Variants in RAB10 observed in about 807,000 individuals in gnomAD.
RAB10 encodes the protein ras-related protein Rab-10.
Under a neutral mutation model 25.7 loss-of-function variants are expected in RAB10, and 5 were observed. That is an observed-to-expected ratio of 0.19 (90% CI 0.10 to 0.41). The LOEUF is 0.41. Ranked by LOEUF, RAB10 falls within the 10% of genes least tolerant of loss-of-function variation. RAB10 has a pLI of 1.00. For missense variants in RAB10, 103 were observed against 245.8 expected (o/e 0.42, Z 3.89); for synonymous variants, 89 against 86.4 (o/e 1.03, Z -0.16).
At chr2:26,087,547 C>G (rs190182975) in intron 1 of RAB10, among the ~76,000 whole-genome samples, 12 of 152,060 alleles carry the variant, frequency 7.9e-5, no homozygotes, top group Admixed American at 2.0e-4. Flanking sequence ...GGATTACAGG[C>G]GCCTGCCACC....
At chr2:26,062,994 A>G (rs1289232398) in intron 1 of RAB10, among the ~76,000 whole-genome samples, 1 of 152,040 alleles carries the variant, frequency 6.6e-6, no homozygotes. Context: ...AGGCGCCTAT[A>G]ATCCCGGCTG....
chr2:26,072,462 A>T lies in RAB10; in HGVS notation c.128-26200A>T, dbSNP rs1666647294. Among the ~76,000 whole-genome samples the T allele has an allele frequency of 2.0e-5, 3 of 151,902 alleles. No homozygotes were observed. In the South Asian group the frequency reaches 6.2e-4, roughly 31 times the overall value. On this transcript the variant is annotated intron_variant, in intron 1 of 5. Transcript: ENST00000264710. ...TAATAAAAATAATAATAGAACATGA[A>T]AACACCATTGACAGGGTTTCAGATT... is the stretch of plus-strand genomic sequence containing the variant.
chr2:26,134,973 T>C lies in RAB10; in HGVS notation c.555T>C (p.Asp185=). Reference sequence around the variant, plus strand: ...AAGAGCCCAACAGTGAAAATGTAGATATCAGCAGTGGAGGAGGCGTGACAG... The same window carrying C: ...AAGAGCCCAACAGTGAAAATGTAGACATCAGCAGTGGAGGAGGCGTGACAG... ...PVKEPNSENV[D]ISSGGGVTGW... The change falls in exon 6 of 6, where the codon GAT becomes GAC. Residue 185 remains aspartate (D), a synonymous_variant. Coordinates refer to ENST00000264710, the MANE Select transcript of RAB10 (RefSeq NM_016131.5). The C allele has an allele frequency of 6.2e-7, 1 of 1,613,936 alleles. No homozygotes were observed. Among genetic ancestry groups the C allele is most frequent in the Non-Finnish European group, 8.5e-7 (1 of 1,179,850 alleles).
chr2:26,060,179 AAG>A (rs1666364883), intron 1 of RAB10, among the ~76,000 whole-genome samples: 1 of 152,316 alleles, frequency 6.6e-6, no homozygotes, highest in East Asian at 1.9e-4. Flanking sequence ...TGGAGGGGGA[AAG>A]AGAAGGAAAT....
intron 1 of RAB10, among the ~76,000 whole-genome samples, chr2:26,041,543 C>CA (rs1230627488): frequency 0.13 from 5,809 of 43,936 alleles, 543 homozygotes; most frequent in Admixed American, 0.2. Flanking sequence ...GACGCTGACT[C>CA]AAAAAAAAAA....
intron 3 of RAB10, among the ~76,000 whole-genome samples, chr2:26,114,547 G>A (rs1427856335): frequency 1.3e-5 from 2 of 152,062 alleles, no homozygotes; most frequent in African/African-American, 4.8e-5. Context: ...TTGTGTGGAA[G>A]AATGAAAGTT....
chr2:26,052,706 T>G (rs1666164112), intron 1 of RAB10, among the ~76,000 whole-genome samples: 1 of 152,126 alleles, frequency 6.6e-6, no homozygotes, highest in South Asian at 2.1e-4. Flanking sequence ...TTTAATCTTA[T>G]TTTTTCAAAT....
chr2:26,092,571 A>G (rs1359424752), intron 1 of RAB10, among the ~76,000 whole-genome samples: 1 of 152,182 alleles, frequency 6.6e-6, no homozygotes, highest in Non-Finnish European at 1.5e-5. Context: ...GGAGTCCAAA[A>G]TGAGGCTTCT....
chr2:26,043,437 C>CA (rs1665933256), intron 1 of RAB10, among the ~76,000 whole-genome samples: 1 of 152,128 alleles, frequency 6.6e-6, no homozygotes, highest in South Asian at 2.1e-4. Flanking sequence ...CAAACAACAA[C>CA]AAAAAAGACT....
intron 2 of RAB10, among the ~76,000 whole-genome samples, chr2:26,099,764 G>A (rs1426759512): frequency 1.3e-5 from 2 of 151,790 alleles, no homozygotes; most frequent in African/African-American, 4.8e-5. Flanking sequence ...GGATGGTCTC[G>A]ATCTCCTGAC....
chr2:26,109,885 A>G lies in RAB10; in HGVS notation c.306A>G (p.Lys102=), dbSNP rs1667536211. ...GTAAAAGTTTTGAAAACATCAGCAA[A>G]TGGCTTAGAAACATAGATGAGGTAA... ...TNGKSFENIS[K]WLRNIDEHAN... is the part of the protein sequence containing the mutation. The change falls in exon 3 of 6, where the codon AAA becomes AAG. Residue 102 remains lysine (K), a synonymous_variant. Coordinates refer to ENST00000264710, the MANE Select transcript of RAB10 (RefSeq NM_016131.5). 1 of 1,608,540 alleles carries G rather than the reference A, an allele frequency of 6.2e-7. No individual in the cohort carries two copies. The highest frequency in any genetic ancestry group is 8.5e-7 in the Non-Finnish European group (1 of 1,177,960).
chr2:26,117,943 T>G (rs1180813933), intron 3 of RAB10, among the ~76,000 whole-genome samples: 1 of 152,182 alleles, frequency 6.6e-6, no homozygotes, highest in Non-Finnish European at 1.5e-5. Flanking sequence ...GAAACCCAAG[T>G]CTCAGATTAT....
At chr2:26,052,725 T>G (rs763368753) in intron 1 of RAB10, among the ~76,000 whole-genome samples, 2 of 152,192 alleles carry the variant, frequency 1.3e-5, no homozygotes, top group Non-Finnish European at 2.9e-5. Context: ...ATCTCCTATC[T>G]GTAGTCTCAT....
At chr2:26,129,143 G>A (rs1667962470) in intron 5 of RAB10, among the ~76,000 whole-genome samples, 1 of 151,958 alleles carries the variant, frequency 6.6e-6, no homozygotes. Flanking sequence ...GGTGGCACGT[G>A]CCTGTAATCC....
chr2:26,113,039 T>A (rs140380385), intron 3 of RAB10, among the ~76,000 whole-genome samples: 1 of 151,914 alleles, frequency 6.6e-6, no homozygotes, highest in African/African-American at 2.4e-5. Flanking sequence ...GAGCCAAGAT[T>A]GCACCACTGC....
At chr2:26,070,043 G>C (rs7565843) in intron 1 of RAB10, among the ~76,000 whole-genome samples, 117,341 of 152,136 alleles carry the variant, frequency 0.77, 45,299 homozygotes, top group East Asian at 0.87. Flanking sequence ...TTTGGGGGAG[G>C]TGTGTGTGTG....
At chr2:26,115,470 A>G (rs1667663835) in intron 3 of RAB10, among the ~76,000 whole-genome samples, 1 of 152,218 alleles carries the variant, frequency 6.6e-6, no homozygotes, top group Non-Finnish European at 1.5e-5. Context: ...AACCTTATGA[A>G]AGAAGCCAGA....
chr2:26,085,217 A>G (rs7573118), intron 1 of RAB10, among the ~76,000 whole-genome samples: 117,195 of 152,104 alleles, frequency 0.77, 45,200 homozygotes, highest in East Asian at 0.87. Flanking sequence ...GGCCGGGGGC[A>G]GTGACTCACG....
At chr2:26,037,070 C>CT (rs1439037761) in intron 1 of RAB10, among the ~76,000 whole-genome samples, 10 of 152,268 alleles carry the variant, frequency 6.6e-5, no homozygotes, top group Admixed American at 2.0e-4. Context: ...GCCACCACGC[C>CT]TGGCTGTGTG....
Sources: gnomAD v4.1 joint callset for allele counts (sites outside exome capture counted in the v4.1 genomes callset) on GRCh38, gnomAD v4.1.1 for gene constraint, MANE v1.5 for transcripts, NCBI Gene and HGNC (gene_info 2026-07-23, HGNC 2026-07-21) for gene names.